TRPM8: variants seen among roughly 807,000 people sequenced by gnomAD.
The protein encoded by TRPM8 is transient receptor potential cation channel subfamily M member 8, also known as TRPM8 cationic channel.
A neutral mutation model predicts 133.7 loss-of-function variants in TRPM8; 110 were observed. The observed-to-expected ratio is 0.82, with a 90% CI of 0.70 to 0.96. The LOEUF (loss-of-function observed/expected upper bound fraction) is 0.96, where lower values mean the gene tolerates loss of function less well. Among genes scored for constraint, TRPM8 ranks in the 40% least tolerant of loss-of-function variants. The probability of loss-of-function intolerance (pLI) is 0.00; values close to 1 mark genes in which losing one functional copy is unlikely to be tolerated. For missense variants in TRPM8, 1,291 were observed against 1,379.5 expected (o/e 0.94, Z 1.02); for synonymous variants, 535 against 532.3 (o/e 1.01, Z -0.07).
At chr2:234,014,904 T>A (rs532511501) in intron 25 of TRPM8, among the ~76,000 whole-genome samples, 3 of 152,204 alleles carry the variant, frequency 2.0e-5, no homozygotes, top group Non-Finnish European at 4.4e-5. Flanking sequence ...GGTGTAAGTA[T>A]CTTGTCCTGT....
At chr2:233,987,311 G>A (rs911927333) in intron 21 of TRPM8, among the ~76,000 whole-genome samples, 1 of 152,106 alleles carries the variant, frequency 6.6e-6, no homozygotes, top group South Asian at 2.1e-4. Context: ...GCATAATATT[G>A]TTTTCTAAAA....
chr2:233,965,678 T>G (rs1490516011), intron 14 of TRPM8, among the ~76,000 whole-genome samples: 1 of 152,190 alleles, frequency 6.6e-6, no homozygotes, highest in Non-Finnish European at 1.5e-5. Flanking sequence ...AAAAGATGTC[T>G]AATTATTTCT....
At chr2:234,016,347 A>G (rs554381463) in intron 25 of TRPM8, among the ~76,000 whole-genome samples, 5 of 152,338 alleles carry the variant, frequency 3.3e-5, no homozygotes, top group African/African-American at 1.2e-4. Context: ...TATGCTTTTT[A>G]CTTCTAGATA....
intron 15 of TRPM8, among the ~76,000 whole-genome samples, 174 bp from the exon 16 acceptor site, chr2:233,969,520 GT>G (rs60543702): frequency 6.6e-6 from 1 of 151,708 alleles, no homozygotes; most frequent in Admixed American, 6.6e-5. Context: ...GTTTTAAATT[GT>G]TTTTTTTAAC....
intron 24 of TRPM8, chr2:234,013,507 A>G (rs559010478): frequency 6.6e-6 from 1 of 151,870 alleles, no homozygotes; most frequent in Admixed American, 6.6e-5. Flanking sequence ...GACTGTATTT[A>G]TTTGTATCTT....
intron 2 of TRPM8, among the ~76,000 whole-genome samples, chr2:233,928,367 C>T (rs985027797): frequency 2.6e-5 from 4 of 152,104 alleles, no homozygotes; most frequent in Admixed American, 2.0e-4. Context: ...TGCAGGCATC[C>T]CTATGGGTAG....
At chr2:233,991,332 C>A (rs912617709) in intron 21 of TRPM8, among the ~76,000 whole-genome samples, 1 of 152,316 alleles carries the variant, frequency 6.6e-6, no homozygotes, top group Non-Finnish European at 1.5e-5. Flanking sequence ...GTGATCCAAT[C>A]GCTTGTCATC....
intron 17 of TRPM8, among the ~76,000 whole-genome samples, chr2:233,977,225 A>G (rs1418213226): frequency 6.6e-6 from 1 of 152,204 alleles, no homozygotes; most frequent in Non-Finnish European, 1.5e-5. Flanking sequence ...TTTAAAATGG[A>G]TGAGTCCCAT....
chr2:233,946,017 G>T lies in TRPM8; in HGVS notation c.861G>T (p.Glu287Asp). The T allele has an allele frequency of 1.2e-6, 2 of 1,614,090 alleles. No individual in the cohort carries two copies. The highest frequency in any genetic ancestry group is 1.7e-6 in the Non-Finnish European group (2 of 1,179,966). The part of the protein sequence containing the change: ...LRNQLEKYIS[E>D]RTIQDSNYGG... ...ATCAGCTAGAGAAGTATATCTCTGA[G>T]CGCACTATTCAAGGTCAGTGGTTAG... The change falls in exon 7 of 26, where the codon GAG becomes GAT. Residue 287 changes from glutamate to aspartate, a missense_variant. Around this residue, in one of 2 missense-constraint regions of TRPM8, gnomAD observed 963 missense variants for 968.9 expected, o/e 0.99. Coordinates refer to ENST00000324695, the MANE Select transcript of TRPM8 (RefSeq NM_024080.5).
At position 233,927,839 on chromosome 2, in the gene TRPM8, CCTTCCTTCCTTCCTT is replaced by C. The variant is rs1559516349; in HGVS notation, c.117+1186_117+1200del. The stretch of plus-strand genomic sequence containing the variant: ...TCCTTCCTTCCTTCCTTCCTTCCTT[CCTTCCTTCCTTCCTT>C]TCTTTCTCTTTCTTTCTTTCTTTCT... On this transcript the variant is annotated intron_variant, in intron 2 of 25. Transcript: ENST00000324695. Among the ~76,000 whole-genome samples the C allele has an allele frequency of 8.2e-4, 55 of 67,374 alleles. 6 individuals are homozygous for C. Among genetic ancestry groups the C allele is most frequent in the Non-Finnish European group, 9.8e-4 (37 of 37,900 alleles). 44.2% of individuals were successfully genotyped at this position (67,374 alleles called of 152,430 possible). A position where few individuals can be genotyped will look rare whatever the true frequency, so the allele number is the denominator to read the frequency against.
chr2:233,953,884 G>T (rs768024042), intron 9 of TRPM8, 33 bp from the exon 10 acceptor site: 3 of 1,566,646 alleles, frequency 1.9e-6, no homozygotes, highest in Admixed American at 3.4e-5. Flanking sequence ...CCTAAAATCT[G>T]TTGGCTGACA....
chr2:233,938,998 T>C lies in TRPM8; in HGVS notation c.349T>C (p.Tyr117His), dbSNP rs1349938796. The change falls in exon 5 of 26, where the codon TAT (tyrosine) becomes CAT (histidine). Residue 117 changes from tyrosine (Y) to histidine (H), a missense_variant and splice_region_variant. By Grantham distance (83) the Tyr-to-His change is moderately conservative. Coordinates refer to ENST00000324695, the MANE Select transcript of TRPM8 (RefSeq NM_024080.5). ...QFETLGKKGK[Y>H]IRLSCDTDAE... ...GATACTTCTGCTTCTCTCCCCATAG[T>C]ATATACGTCTGTCCTGCGACACGGA... is the stretch of plus-strand genomic sequence containing the variant. The C allele has an allele frequency of 1.2e-6, 2 of 1,614,174 alleles. No homozygotes were observed. Among genetic ancestry groups the C allele is most frequent in the Non-Finnish European group, 1.7e-6 (2 of 1,180,042 alleles).
chr2:233,942,495 T>C, intron 5 of TRPM8, 81 bp from the exon 6 acceptor site: 1 of 1,449,030 alleles, frequency 6.9e-7, no homozygotes, highest in South Asian at 1.2e-5. Context: ...GGATGGGGCC[T>C]TTATTTTAGG....
intron 9 of TRPM8, 42 bp downstream of exon 9, chr2:233,950,188 C>T (rs201569058): frequency 6.1e-5 from 97 of 1,579,068 alleles, no homozygotes; most frequent in Non-Finnish European, 7.8e-5. Context: ...GAAAATAAGA[C>T]AAGTTGGTGA....
intron 22 of TRPM8, among the ~76,000 whole-genome samples, chr2:234,005,254 A>G (rs1251595624): frequency 6.6e-6 from 1 of 151,938 alleles, no homozygotes; most frequent in Non-Finnish European, 1.5e-5. Context: ...CTATTTCTCC[A>G]CATTCTTGCC....
intron 21 of TRPM8, among the ~76,000 whole-genome samples, chr2:233,995,996 T>C (rs1463721909): frequency 6.6e-6 from 1 of 151,972 alleles, no homozygotes; most frequent in Admixed American, 6.6e-5. Flanking sequence ...TTGGACCACT[T>C]TGTATCTAAC....
chr2:233,972,457 G>A (rs1000363921), intron 17 of TRPM8, among the ~76,000 whole-genome samples: 1 of 152,258 alleles, frequency 6.6e-6, no homozygotes, highest in Non-Finnish European at 1.5e-5. Flanking sequence ...CCAGTCCTGC[G>A]CTGTGCGCCC....
At chr2:233,966,903 T>C (rs1294276809) in intron 15 of TRPM8, 148 bp downstream of exon 15, 5 of 1,003,212 alleles carry the variant, frequency 5.0e-6, no homozygotes, top group Non-Finnish European at 5.6e-6. Flanking sequence ...ATGTGGGAGA[T>C]GGCCAAGTAT....
intron 15 of TRPM8, among the ~76,000 whole-genome samples, chr2:233,967,376 TG>T (rs1327839075): frequency 5.3e-5 from 8 of 152,014 alleles, no homozygotes; most frequent in African/African-American, 1.9e-4. Context: ...GAAATGTGGG[TG>T]TGAGAAGGGG....
Sources: allele counts gnomAD v4.1 joint callset (sites outside exome capture counted in the v4.1 genomes callset), GRCh38; gene constraint gnomAD v4.1.1; regional missense constraint gnomAD v4.1.1; transcripts MANE v1.5; gene names NCBI Gene and HGNC (gene_info 2026-07-23, HGNC 2026-07-21).